LRRK2: variants seen among roughly 807,000 people sequenced by gnomAD.
The protein encoded by LRRK2 is leucine-rich repeat serine/threonine-protein kinase 2.
LRRK2 carries 203 observed loss-of-function variants against 302.6 expected under a neutral mutation model. The ratio of observed to expected loss-of-function variants is 0.67; its 90% CI spans 0.60 to 0.75. The LOEUF is 0.75. Ranked by LOEUF, LRRK2 falls within the 30% of genes least tolerant of loss-of-function variation. LRRK2 has a pLI of 0.00. For missense variants in LRRK2, 2,830 were observed against 2,951.0 expected (o/e 0.96, Z 0.95); for synonymous variants, 1,066 against 1,031.9 (o/e 1.03, Z -0.63).
Position 40,300,160 on chromosome 12 carries a change from A to C in LRRK2, c.3496+903A>C, listed in dbSNP as rs183753682. On this transcript the variant is annotated intron_variant, in intron 25 of 50. Transcript: ENST00000298910. ...GCTGTTGTTAGAAATAAAATTAATC[A>C]TTTAATGGTTTTCAAATTAGTGAAG... Among the ~76,000 whole-genome samples the C allele has an allele frequency of 2.3e-3, 353 of 152,304 alleles. 4 individuals carry two copies. The highest frequency in any genetic ancestry group is 2.3e-3 in the East Asian group (12 of 5,190).
At chr12:40,332,863 G>A (rs1945751624) in intron 39 of LRRK2, among the ~76,000 whole-genome samples, 2 of 151,074 alleles carry the variant, frequency 1.3e-5, no homozygotes, top group African/African-American at 4.9e-5. Flanking sequence ...CATTAAAAAT[G>A]TCTACAGAGC....
Position 40,319,912 on chromosome 12 carries a change from G to A in LRRK2, c.4828-76G>A, listed in dbSNP as rs946083644. ...TTTCTGACTACTTTCACTGAGCAAA[G>A]AGACATAAAATGCTTTAAATTTGCA... On this transcript the variant is annotated intron_variant, in intron 33 of 50. Transcript: ENST00000298910. 1.7e-5 allele frequency: 23 copies of A among 1,381,840 alleles called. No individual in the cohort carries two copies. In the Admixed American group the frequency reaches 4.4e-4, roughly 26 times the overall value. The allele number at this position is 1,381,840 out of a possible 1,614,324, so 85.6% of individuals were successfully genotyped here.
chr12:40,325,558 T>G (rs955263059), intron 38 of LRRK2, among the ~76,000 whole-genome samples: 1 of 152,144 alleles, frequency 6.6e-6, no homozygotes, highest in African/African-American at 2.4e-5. Flanking sequence ...TATCTCCCCT[T>G]CCCTCAGATG....
chr12:40,249,458 G>A (rs142241412), intron 7 of LRRK2, among the ~76,000 whole-genome samples: 238 of 152,006 alleles, frequency 1.6e-3, no homozygotes, highest in African/African-American at 5.1e-3. Context: ...TCCAAAAGAT[G>A]GATTTAAGAG....
Position 40,308,532 on chromosome 12 carries a change from A to T in LRRK2, c.4025A>T (p.Asn1342Ile). 1 of 1,614,036 alleles carries T rather than the reference A, an allele frequency of 6.2e-7. No individual in the cohort carries two copies. Among genetic ancestry groups the T allele is most frequent in the South Asian group, 1.1e-5 (1 of 91,074 alleles). Reference protein sequence around the residue: ...YNRMKLMIVGNTGSGKTTLLQ... With the variant: ...YNRMKLMIVGITGSGKTTLLQ... ...CGAATGAAACTTATGATTGTGGGAA[A>T]TACTGGGAGTGGTAAAACCACCTTA... Residue 1342 changes from asparagine (N) to isoleucine (I), a missense_variant, in exon 29 of 51, where the codon AAT becomes ATT. By Grantham distance (149) the Asn-to-Ile change is moderately radical (BLOSUM62 -3). This residue lies in a region of LRRK2 where 2,121 missense variants were observed against 2,148.0 expected (regional missense o/e 0.99). Coordinates refer to ENST00000298910, the MANE Select transcript of LRRK2 (RefSeq NM_198578.4).
chr12:40,344,124 TC>T (rs1209564853), intron 41 of LRRK2, among the ~76,000 whole-genome samples: 2 of 152,136 alleles, frequency 1.3e-5, no homozygotes, highest in Non-Finnish European at 2.9e-5. Flanking sequence ...TCTTCACAGC[TC>T]TACCATCTTC....
Position 40,252,940 on chromosome 12 carries a change from C to T in LRRK2, c.1212C>T (p.Ser404=), listed in dbSNP as rs573939656. 3.7e-6 allele frequency: 6 copies of T among 1,613,316 alleles called. No homozygotes were observed. The highest frequency in any genetic ancestry group is 1.1e-5 in the South Asian group (1 of 91,076). The change falls in exon 11 of 51, where the codon TCC becomes TCT. Residue 404 remains serine, a synonymous_variant. Transcript: ENST00000298910. ...HFPAHREVML[S]MLMHSSSKEV... ...CAGCTCATAGGGAAGTGATGCTCTC[C>T]ATGCTGATGCATTCTTCATCAAAGG...
At position 40,323,167 on chromosome 12, in the gene LRRK2, C is replaced by G; in HGVS notation, c.5517C>G (p.Leu1839=). Residue 1839 remains leucine, a synonymous_variant, in exon 38 of 51, where the codon CTC becomes CTG. Coordinates refer to ENST00000298910, the MANE Select transcript of LRRK2 (RefSeq NM_198578.4). The part of the protein sequence containing the change: ...DLMKKAEEGD[L]LVNPDQPRLT... ...TGTTTTATTACTTCTCAGGAGATCTCTTAGTAAATCCAGATCAACCAAGGC... is the reference window on the plus strand; with the variant it reads ...TGTTTTATTACTTCTCAGGAGATCTGTTAGTAAATCCAGATCAACCAAGGC... 1 of 1,612,796 alleles carries G rather than the reference C, an allele frequency of 6.2e-7. No individual in the cohort carries two copies. The highest frequency in any genetic ancestry group is 8.5e-7 in the Non-Finnish European group (1 of 1,179,028).
chr12:40,332,048 A>C (rs1449692855), intron 39 of LRRK2, among the ~76,000 whole-genome samples: 1 of 152,176 alleles, frequency 6.6e-6, no homozygotes, highest in Non-Finnish European at 1.5e-5. Flanking sequence ...CCATTAAATA[A>C]ATAGATGTCT....
intron 2 of LRRK2, 69 bp from the exon 3 acceptor site, chr12:40,232,205 C>A: frequency 9.2e-7 from 1 of 1,084,338 alleles, no homozygotes; most frequent in Non-Finnish European, 1.4e-6. Context: ...TGAAGAGATT[C>A]ATGTTTGACT....
rs1474878748 is a variant in LRRK2 at position 40,243,696 on chromosome 12, T to G, written c.838+15T>G. 5 of 1,609,006 alleles carry G rather than the reference T, an allele frequency of 3.1e-6. No individual in the cohort carries two copies. The highest frequency in any genetic ancestry group is 1.3e-5 in the African/African-American group (1 of 74,714). ...GCTTACATTAGGTGAGTTTCTTAGT[T>G]AATATGTCATCACACACTGTATGAT... On this transcript the variant is annotated intron_variant, in intron 7 of 50. Coordinates refer to ENST00000298910, the MANE Select transcript of LRRK2 (RefSeq NM_198578.4).
intron 38 of LRRK2, 25 bp from the exon 39 acceptor site, chr12:40,328,335 G>A (rs200792604): frequency 5.0e-6 from 8 of 1,585,416 alleles, no homozygotes; most frequent in African/African-American, 1.3e-5. Flanking sequence ...CTTAATTTAA[G>A]TGCTTTGTAT....
At position 40,347,956 on chromosome 12, in the gene LRRK2, T is replaced by TAAA. The variant is rs35847030; in HGVS notation, c.6281-444_6281-442dup. On this transcript the variant is annotated intron_variant, in intron 42 of 50. Transcript: ENST00000298910. ...TAAGCAACAAAGTGAGACTCCATCT[T>TAAA]AAAAAAAAAAATTCAGTTCTGTGTT... Among the ~76,000 whole-genome samples the TAAA allele has an allele frequency of 4.3e-3, 643 of 150,848 alleles. 26 individuals are homozygous for TAAA. In the East Asian group the frequency reaches 0.08, roughly 19 times the overall value.
intron 23 of LRRK2, among the ~76,000 whole-genome samples, chr12:40,297,957 C>T (rs1437094161): frequency 6.6e-6 from 1 of 151,932 alleles, no homozygotes; most frequent in Non-Finnish European, 1.5e-5. Context: ...TTCCATTTTG[C>T]TCTTTCTGGA....
chr12:40,279,542 G>A (rs1226426704), intron 18 of LRRK2, among the ~76,000 whole-genome samples: 1 of 152,012 alleles, frequency 6.6e-6, no homozygotes, highest in Non-Finnish European at 1.5e-5. Context: ...GCAGATTATT[G>A]CATTAATTTT....
chr12:40,251,197 A>C, intron 8 of LRRK2, 35 bp from the exon 9 acceptor site: 1 of 1,343,738 alleles, frequency 7.4e-7, no homozygotes, highest in African/African-American at 1.5e-5. Flanking sequence ...GATAATATAT[A>C]TAATGTTTTT....
At position 40,279,464 on chromosome 12, in the gene LRRK2, G is replaced by A. The variant is rs754033848; in HGVS notation, c.2241+1203G>A. ...AAGCAACAATTAAAATAGTTGCTCC[G>A]CTTTACTAAAGATAATTAAATTTTT... is the stretch of plus-strand genomic sequence containing the variant. On this transcript the variant is annotated intron_variant, in intron 18 of 50. Transcript: ENST00000298910. Among the ~76,000 whole-genome samples the A allele has an allele frequency of 5.3e-5, 8 of 151,950 alleles. No homozygotes were observed. In the South Asian group the frequency reaches 8.3e-4, roughly 16 times the overall value.
At chr12:40,250,070 T>C (rs180934838) in intron 8 of LRRK2, 125 bp downstream of exon 8, 1 of 1,179,692 alleles carries the variant, frequency 8.5e-7, no homozygotes, top group African/African-American at 1.5e-5. Context: ...GTGTAGCTCA[T>C]TTTCCAGTAG....
intron 20 of LRRK2, 101 bp downstream of exon 20, chr12:40,287,640 C>G: frequency 8.3e-7 from 1 of 1,201,104 alleles, no homozygotes; most frequent in Non-Finnish European, 1.2e-6. Flanking sequence ...TCTGGAAAAA[C>G]TTGAGTAGAA....
Sources: allele counts gnomAD v4.1 joint callset (sites outside exome capture counted in the v4.1 genomes callset), GRCh38; gene constraint gnomAD v4.1.1; regional missense constraint gnomAD v4.1.1; transcripts MANE v1.5; gene names NCBI Gene and HGNC (gene_info 2026-07-23, HGNC 2026-07-21).